MACF1: variants seen among roughly 807,000 people sequenced by gnomAD.
MACF1 encodes microtubule actin crosslinking factor 1.
Under a neutral mutation model 854.8 loss-of-function variants are expected in MACF1, and 193 were observed. The observed-to-expected ratio is 0.23, with a 90% CI of 0.20 to 0.25. MACF1 has a LOEUF of 0.25. Among genes scored for constraint, MACF1 ranks in the 10% least tolerant of loss-of-function variants. The probability of loss-of-function intolerance (pLI) is 1.00; values close to 1 mark genes in which losing one functional copy is unlikely to be tolerated. For missense variants in MACF1, 7,722 were observed against 8,929.1 expected, an observed-to-expected ratio of 0.86 and a Z score of 5.45; for synonymous variants, 3,185 against 3,226.7, an observed-to-expected ratio of 0.99 and a Z score of 0.44.
intron 2 of MACF1, among the ~76,000 whole-genome samples, chr1:39,128,269 G>A (rs1399020153): frequency 6.6e-6 from 1 of 151,772 alleles, no homozygotes; most frequent in Non-Finnish European, 1.5e-5. Context: ...AGTGTGCAGT[G>A]GCTGTTCACA....
chr1:39,158,728 G>C lies in MACF1; in HGVS notation c.221-72454G>C, dbSNP rs1279362941. 5.3e-5 allele frequency among the ~76,000 whole-genome samples: 8 copies of C among 152,224 alleles called. No homozygotes were observed. In the East Asian group the frequency reaches 1.5e-3, roughly 29 times the overall value. On this transcript the variant is annotated intron_variant, in intron 2 of 93. Transcript: ENST00000361689. ...GGTCCCGTAGCTCATTTGCACAAAG[G>C]AGGGGCTGGCCTCTCCTGGGGAGGT...
At chr1:39,477,645 G>T (rs1284107410) in intron 97 of MACF1, among the ~76,000 whole-genome samples, 1 of 152,094 alleles carries the variant, frequency 6.6e-6, no homozygotes, top group Non-Finnish European at 1.5e-5. Flanking sequence ...GACAGCGAAT[G>T]TAGGTGGTGA....
At chr1:39,445,134 G>T (rs1194307387) in intron 80 of MACF1, among the ~76,000 whole-genome samples, 1 of 152,176 alleles carries the variant, frequency 6.6e-6, no homozygotes, top group Non-Finnish European at 1.5e-5. Flanking sequence ...GCTGGAGTTG[G>T]TATCTTGGGG....
intron 1 of MACF1, among the ~76,000 whole-genome samples, chr1:39,218,875 G>A (rs1411582793): frequency 2.0e-5 from 3 of 152,148 alleles, no homozygotes; most frequent in Admixed American, 2.0e-4. Flanking sequence ...CTGCTTCCCA[G>A]GTCCAAGTGA....
chr1:39,268,311 A>G (rs1571239756), intron 6 of MACF1, among the ~76,000 whole-genome samples: 1 of 151,528 alleles, frequency 6.6e-6, no homozygotes, highest in Non-Finnish European at 1.5e-5. Flanking sequence ...GGCCCTCCCT[A>G]GTTTTTCCCC....
intron 7 of MACF1, 101 bp downstream of exon 7, chr1:39,282,475 G>T: frequency 3.2e-6 from 4 of 1,256,310 alleles, no homozygotes; most frequent in South Asian, 3.7e-5. Flanking sequence ...AAAAATCAAA[G>T]CTTTGATTCA....
At chr1:39,431,867 TAGAG>T (rs57701755) in intron 66 of MACF1, among the ~76,000 whole-genome samples, 2,501 of 152,164 alleles carry the variant, frequency 0.016, 71 homozygotes, top group African/African-American at 0.055. Flanking sequence ...TCCTAGCTAT[TAGAG>T]AGGCTGAGGT....
In MACF1 at chr1:39,186,210, CTCTCTGTGTGTGTGTG is replaced by C. The variant is rs1281806528; in HGVS notation, c.221-44970_221-44955del. Among the ~76,000 whole-genome samples the C allele has an allele frequency of 5.6e-3, 391 of 69,222 alleles. 1 individual carries two copies. The highest frequency in any genetic ancestry group is 0.026 in the African/African-American group (376 of 14,356). 45.4% of individuals were successfully genotyped at this position (69,222 alleles called of 152,430 possible). The stretch of plus-strand genomic sequence containing the variant: ...TCTCTCTCTCTCTCTCTCTCTCTCT[CTCTCTGTGTGTGTGTG>C]TGTGTGTGTGTGTGTGTGTGTTTTG... On this transcript the variant is annotated intron_variant, in intron 2 of 93. Coordinates refer to the MACF1 transcript ENST00000361689.
chr1:39,389,189 A>C (rs1033005408), intron 58 of MACF1, among the ~76,000 whole-genome samples: 1 of 151,418 alleles, frequency 6.6e-6, no homozygotes, highest in Non-Finnish European at 1.5e-5. Context: ...GCATTTTTCT[A>C]TTGTAGTTTA....
At chr1:39,150,488 C>T (rs1041204870) in intron 2 of MACF1, among the ~76,000 whole-genome samples, 9 of 152,112 alleles carry the variant, frequency 5.9e-5, no homozygotes, top group Non-Finnish European at 1.0e-4. Context: ...ATTTTATGTG[C>T]ATTTTCCTCT....
intron 2 of MACF1, among the ~76,000 whole-genome samples, chr1:39,135,900 T>G (rs1643155028): frequency 1.3e-5 from 2 of 152,196 alleles, no homozygotes; most frequent in Non-Finnish European, 2.9e-5. Context: ...CTTGGATTGT[T>G]TTGCAGAGGT....
chr1:39,348,150 T>TA (rs771948744), intron 41 of MACF1, among the ~76,000 whole-genome samples: 3 of 152,208 alleles, frequency 2.0e-5, no homozygotes, highest in Non-Finnish European at 2.9e-5. Context: ...TGTCCTGTAT[T>TA]ACTGTCTCAT....
At chr1:39,287,681 TTTTA>T in intron 15 of MACF1, 119 bp downstream of exon 15, 2 of 1,165,220 alleles carry the variant, frequency 1.7e-6, no homozygotes, top group Non-Finnish European at 2.4e-6. Context: ...ATTATTATTC[TTTTA>T]TTTGAGTGAT....
intron 2 of MACF1, among the ~76,000 whole-genome samples, chr1:39,198,772 C>T (rs575203806): frequency 2.6e-5 from 4 of 151,670 alleles, no homozygotes; most frequent in South Asian, 2.1e-4. Context: ...TTGCAGAGAT[C>T]GGAGCATCAC....
intron 58 of MACF1, among the ~76,000 whole-genome samples, chr1:39,419,657 A>G (rs1192065891): frequency 1.3e-5 from 2 of 151,764 alleles, no homozygotes; most frequent in Non-Finnish European, 2.9e-5. Context: ...TTTGAGATGG[A>G]GTTTCTCTCT....
At chr1:39,137,749 A>G (rs1643216016) in intron 2 of MACF1, among the ~76,000 whole-genome samples, 1 of 152,104 alleles carries the variant, frequency 6.6e-6, no homozygotes, top group Admixed American at 6.6e-5. Flanking sequence ...GCATTATCTC[A>G]TTCAACTATA....
chr1:39,177,256 C>T (rs1293345194), intron 2 of MACF1, among the ~76,000 whole-genome samples: 3 of 152,130 alleles, frequency 2.0e-5, no homozygotes, highest in Non-Finnish European at 4.4e-5. Context: ...CTGCCTCAGC[C>T]TCCTGAGTAG....
At chr1:39,383,328 T>C (rs1650407841) in intron 56 of MACF1, among the ~76,000 whole-genome samples, 1 of 152,210 alleles carries the variant, frequency 6.6e-6, no homozygotes, top group Non-Finnish European at 1.5e-5. Flanking sequence ...CTATTTAGTC[T>C]ACTTAACAAA....
chr1:39,443,681 A>G lies in MACF1; in HGVS notation c.19431+107A>G, dbSNP rs1570102650. On this transcript the variant is annotated intron_variant, in intron 79 of 100. Transcript: ENST00000564288. Reference sequence around the variant, plus strand: ...TATCTGGAAATCTACAAAGTAGTGCATTTTTATCAAACATATAGTATAACC... The same window carrying G: ...TATCTGGAAATCTACAAAGTAGTGCGTTTTTATCAAACATATAGTATAACC... 7 of 1,236,410 alleles carry G rather than the reference A, an allele frequency of 5.7e-6. No individual in the cohort carries two copies. The South Asian group carries it at 6.1e-5, about 11-fold the overall frequency. 76.6% of individuals were successfully genotyped at this position (1,236,410 alleles called of 1,614,324 possible).
Sources: gnomAD v4.1 joint callset for allele counts (sites outside exome capture counted in the v4.1 genomes callset) on GRCh38, gnomAD v4.1.1 for gene constraint, MANE v1.5 for transcripts, NCBI Gene and HGNC (gene_info 2026-07-23, HGNC 2026-07-21) for gene names.